DAPK1: variants seen among roughly 807,000 people sequenced by gnomAD.
The protein encoded by DAPK1 is death-associated protein kinase 1.
In DAPK1, 56 loss-of-function variants were observed where a neutral mutation model predicts 144.9. The observed-to-expected ratio is 0.39, with a 90% confidence interval of 0.31 to 0.48. The LOEUF (loss-of-function observed/expected upper bound fraction) is 0.48. Among genes scored for constraint, DAPK1 ranks in the 20% least tolerant of loss-of-function variants. The probability of loss-of-function intolerance (pLI) is 0.95; values close to 1 mark genes in which losing one functional copy is unlikely to be tolerated. For missense variants in DAPK1, 1,454 were observed against 1,875.4 expected, an observed-to-expected ratio of 0.78 and a Z score of 4.15; for synonymous variants, 690 against 749.0, an observed-to-expected ratio of 0.92 and a Z score of 1.29.
chr9:87,537,977 T>G (rs1048726452), intron 2 of DAPK1, among the ~76,000 whole-genome samples: 1 of 152,184 alleles, frequency 6.6e-6, no homozygotes, highest in African/African-American at 2.4e-5. Flanking sequence ...ATTACAGTTG[T>G]TTTACGGGCC....
rs144676223 is a variant in DAPK1, at chr9:87,521,738, A to G, written c.62+22599A>G. On this transcript the variant is annotated intron_variant, in intron 2 of 25. Coordinates refer to ENST00000408954, the MANE Select transcript of DAPK1 (RefSeq NM_004938.4). Reference sequence around the variant, plus strand: ...GAAGACCTTCTTATCTAGCAGTTTGATGACTTATGGTAGTTGCTTTGGTTT... The same window carrying G: ...GAAGACCTTCTTATCTAGCAGTTTGGTGACTTATGGTAGTTGCTTTGGTTT... Among the ~76,000 whole-genome samples, 18 of 152,316 alleles carry G rather than the reference A, an allele frequency of 1.2e-4. 1 individual carries two copies. In the East Asian group the frequency reaches 3.5e-3, roughly 29 times the overall value.
rs1824866157 is a variant in DAPK1 at position 87,686,602 on chromosome 9, G to A, written c.2276G>A (p.Arg759Lys). The change falls in exon 21 of 26, where the codon AGG becomes AAG. Residue 759 changes from arginine to lysine, a missense_variant. By Grantham distance (26) the Arg-to-Lys change is conservative. Transcript: ENST00000408954. The surrounding 1 kb of genome is among the most constrained non-coding windows in gnomAD (Gnocchi z 4.2). ...CCAGGCTGCGAGAACGTGAGTGTGA[G>A]GAGCCGCAGCATGATGTTCGAGCCG... Reference protein sequence around the residue: ...LYPGCENVSVRSRSMMFEPGL... With the variant: ...LYPGCENVSVKSRSMMFEPGL... 3.1e-6 allele frequency: 5 copies of A among 1,603,206 alleles called. No homozygotes were observed. Among genetic ancestry groups the A allele is most frequent in the Non-Finnish European group, 4.3e-6 (5 of 1,174,122 alleles).
intron 2 of DAPK1, among the ~76,000 whole-genome samples, chr9:87,571,494 C>CACACA (rs1554684264): frequency 2.8e-5 from 1 of 35,132 alleles, no homozygotes; most frequent in Non-Finnish European, 5.7e-5. Context: ...CACACACACA[C>CACACA]CCCAACACAC....
chr9:87,531,750 G>C (rs535284335), intron 2 of DAPK1, among the ~76,000 whole-genome samples: 1 of 152,166 alleles, frequency 6.6e-6, no homozygotes, highest in African/African-American at 2.4e-5. Context: ...CAATTATTGT[G>C]TCTTATTGTT....
intron 2 of DAPK1, among the ~76,000 whole-genome samples, chr9:87,575,063 C>CA (rs1167625621): frequency 5.3e-5 from 8 of 151,254 alleles, no homozygotes; most frequent in Non-Finnish European, 7.4e-5. Context: ...ACTAAAAATA[C>CA]AAAAAAATTA....
At chr9:87,674,892 G>A (rs1288031523) in intron 19 of DAPK1, among the ~76,000 whole-genome samples, 1 of 152,122 alleles carries the variant, frequency 6.6e-6, no homozygotes, top group Non-Finnish European at 1.5e-5. Flanking sequence ...GATTTACCAG[G>A]GCTTCAAAGA....
rs1564000778 is a variant in DAPK1, at chr9:87,571,470, C to CCA, written c.63-33484_63-33483insCA. ...ACACACACACACACACACACACACACACACCAACACACACACACACACACC... is the reference window on the plus strand; with the variant it reads ...ACACACACACACACACACACACACACCAACACCAACACACACACACACACACC... On this transcript the variant is annotated intron_variant, in intron 2 of 25. Transcript: ENST00000408954. Among the ~76,000 whole-genome samples, 82 of 53,712 alleles carry CCA rather than the reference C, an allele frequency of 1.5e-3. 4 individuals are homozygous for CCA. Among genetic ancestry groups the CCA allele is most frequent in the East Asian group, 9.4e-3 (15 of 1,592 alleles). 35.2% of individuals were successfully genotyped at this position (53,712 alleles called of 152,430 possible).
chr9:87,558,549 G>C (rs980871689), intron 2 of DAPK1, among the ~76,000 whole-genome samples: 1 of 152,116 alleles, frequency 6.6e-6, no homozygotes, highest in Non-Finnish European at 1.5e-5. Context: ...TACACAAGCT[G>C]TAAGGTGGTC....
At chr9:87,642,240 A>G (rs1013798329) in intron 10 of DAPK1, among the ~76,000 whole-genome samples, 182 bp downstream of exon 10, 5 of 152,228 alleles carry the variant, frequency 3.3e-5, no homozygotes, top group African/African-American at 1.2e-4. Flanking sequence ...ACAATATTTT[A>G]GTCACTTTAA....
intron 17 of DAPK1, among the ~76,000 whole-genome samples, chr9:87,656,746 G>A (rs1378777709): frequency 6.6e-6 from 1 of 152,210 alleles, no homozygotes; most frequent in East Asian, 1.9e-4. Flanking sequence ...TACAGGCATG[G>A]AAAAGTGTTC....
chr9:87,644,575 G>A (rs1289056017), intron 11 of DAPK1, among the ~76,000 whole-genome samples: 3 of 152,134 alleles, frequency 2.0e-5, no homozygotes, highest in Admixed American at 6.5e-5. Context: ...AGATTAGGGC[G>A]AGAAGAGAGA....
At chr9:87,596,487 G>T (rs983126036) in intron 2 of DAPK1, among the ~76,000 whole-genome samples, 3 of 152,200 alleles carry the variant, frequency 2.0e-5, no homozygotes, top group Non-Finnish European at 4.4e-5. Flanking sequence ...TTGTGTTGAG[G>T]TCCCTCCTAA....
intron 19 of DAPK1, chr9:87,669,090 G>A (rs1831162076): frequency 1.1e-5 from 2 of 182,422 alleles, no homozygotes; most frequent in Admixed American, 5.4e-5. Context: ...GTAAAGGCAG[G>A]TGCACCCTTT....
At chr9:87,606,546 C>T (rs1454080012) in intron 3 of DAPK1, among the ~76,000 whole-genome samples, 1 of 119,284 alleles carries the variant, frequency 8.4e-6, no homozygotes, top group Non-Finnish European at 1.8e-5. Context: ...CCCTCCCTCC[C>T]TCTCTCCCTC....
intron 2 of DAPK1, among the ~76,000 whole-genome samples, chr9:87,593,447 G>C (rs1020229469): frequency 1.3e-5 from 2 of 152,300 alleles, no homozygotes; most frequent in Middle Eastern, 3.4e-3. Context: ...ATCTTTCTTT[G>C]TTCTTCCTCT....
chr9:87,705,240 A>ATTTTT (rs200565337), intron 25 of DAPK1, among the ~76,000 whole-genome samples: 4 of 128,700 alleles, frequency 3.1e-5, no homozygotes, highest in East Asian at 2.3e-4. Flanking sequence ...TAATTAATTA[A>ATTTTT]TTTTTTTTTT....
At chr9:87,666,218 G>A (rs1040709644) in intron 18 of DAPK1, among the ~76,000 whole-genome samples, 1 of 152,142 alleles carries the variant, frequency 6.6e-6, no homozygotes, top group Non-Finnish European at 1.5e-5. Flanking sequence ...CCTGTGCAGG[G>A]AGGGTGCCAT....
chr9:87,705,240 ATT>A (rs200565337), intron 25 of DAPK1, among the ~76,000 whole-genome samples: 7,083 of 128,528 alleles, frequency 0.055, 206 homozygotes, highest in East Asian at 0.14. Context: ...TAATTAATTA[ATT>A]TTTTTTTTTT....
intron 2 of DAPK1, among the ~76,000 whole-genome samples, chr9:87,538,736 C>G (rs1177632595): frequency 1.3e-5 from 2 of 152,008 alleles, no homozygotes; most frequent in East Asian, 1.9e-4. Context: ...AAAACAAAAC[C>G]TCATCTGCTT....
Sources: gnomAD v4.1 joint callset for allele counts (sites outside exome capture counted in the v4.1 genomes callset) on GRCh38, gnomAD v4.1.1 for gene constraint, Gnocchi (gnomAD v3.1) non-coding constraint, MANE v1.5 for transcripts, NCBI Gene and HGNC (gene_info 2026-07-23, HGNC 2026-07-21) for gene names.